DNAH6: variants seen among roughly 807,000 people sequenced by gnomAD.
DNAH6 encodes the protein axonemal beta dynein heavy chain 6.
DNAH6 carries 340 observed loss-of-function variants against 491.4 expected under a neutral mutation model. That is an observed-to-expected ratio of 0.69 (90% CI 0.63 to 0.76). The LOEUF is 0.76. Ranked by LOEUF, DNAH6 falls within the 30% of genes least tolerant of loss-of-function variation. The pLI is 0.00. For missense variants in DNAH6, 4,443 were observed against 4,972.2 expected, an observed-to-expected ratio of 0.89 and a Z score of 3.20; for synonymous variants, 1,603 against 1,686.1, an observed-to-expected ratio of 0.95 and a Z score of 1.21.
At chr2:84,699,825 T>C (rs1282399613) in intron 48 of DNAH6, 91 bp downstream of exon 48, 9 of 1,255,136 alleles carry the variant, frequency 7.2e-6, no homozygotes, top group Admixed American at 2.8e-5. Flanking sequence ...TCATGGGTAC[T>C]TGTATTAGCT....
intron 15 of DNAH6, among the ~76,000 whole-genome samples, chr2:84,588,112 G>A (rs1811537): frequency 0.86 from 131,109 of 152,206 alleles, 57,275 homozygotes; most frequent in East Asian, 0.99. Flanking sequence ...TGCATATCAT[G>A]CCAAGTCACA....
At chr2:84,506,198 T>C in the DNAH6 span, among the ~76,000 whole-genome samples, 1 of 152,190 alleles carries the variant, frequency 6.6e-6, no homozygotes, top group Non-Finnish European at 1.5e-5. Flanking sequence ...GTTCAAGTGT[T>C]CCTATTTCTC....
intron 33 of DNAH6, among the ~76,000 whole-genome samples, chr2:84,644,306 T>G (rs1352554283): frequency 1.3e-5 from 2 of 152,224 alleles, no homozygotes; most frequent in African/African-American, 4.8e-5. Context: ...TGATTAACTC[T>G]CCTGGCTTCT....
intron 62 of DNAH6, among the ~76,000 whole-genome samples, chr2:84,739,398 G>A (rs1020970474): frequency 2.0e-5 from 3 of 152,140 alleles, no homozygotes; most frequent in African/African-American, 4.8e-5. Flanking sequence ...GACCTCTCTA[G>A]CAAGATTGGG....
chr2:84,476,413 C>T, the DNAH6 span, among the ~76,000 whole-genome samples: 1 of 152,116 alleles, frequency 6.6e-6, no homozygotes, highest in African/African-American at 2.4e-5. Context: ...ATCTTCTGGC[C>T]CATTAAGGGG....
intron 62 of DNAH6, 92 bp downstream of exon 62, chr2:84,733,671 A>G (rs1345730929): frequency 8.3e-7 from 1 of 1,202,564 alleles, no homozygotes; most frequent in Non-Finnish European, 1.1e-6. Context: ...CTGTAATGTC[A>G]GCATTTTTCA....
At chr2:84,817,955 C>T (rs1404165739) in intron 76 of DNAH6, among the ~76,000 whole-genome samples, 1 of 152,196 alleles carries the variant, frequency 6.6e-6, no homozygotes, top group East Asian at 1.9e-4. Context: ...AAACACCTTC[C>T]ATTAAGCCCC....
intron 29 of DNAH6, among the ~76,000 whole-genome samples, chr2:84,626,652 G>A (rs114392030): frequency 0.036 from 5,423 of 152,160 alleles, 143 homozygotes; most frequent in Non-Finnish European, 0.053. Context: ...CTATTGCCCA[G>A]GATGCAGTGG....
intron 63 of DNAH6, among the ~76,000 whole-genome samples, chr2:84,753,731 T>G (rs1489799695): frequency 1.6e-5 from 2 of 121,890 alleles, no homozygotes; most frequent in African/African-American, 3.2e-5. Context: ...CATTCCAGCC[T>G]GGGCAACAGG....
chr2:84,463,234 G>A, the DNAH6 span, among the ~76,000 whole-genome samples: 1 of 152,206 alleles, frequency 6.6e-6, no homozygotes, highest in Non-Finnish European at 1.5e-5. Context: ...TGTGAAGGGA[G>A]GAGGAGTAAA....
chr2:84,624,639 G>A lies in DNAH6; in HGVS notation c.4353+19G>A, dbSNP rs11126970. On this transcript the variant is annotated intron_variant, in intron 28 of 76. Coordinates refer to ENST00000389394, the MANE Select transcript of DNAH6 (RefSeq NM_001370.2). Reference sequence around the variant, plus strand: ...ACTCACAGTAAGTTATTGATCACTTGGGTTAATATTGACACAAGAGTGCTT... The same window carrying A: ...ACTCACAGTAAGTTATTGATCACTTAGGTTAATATTGACACAAGAGTGCTT... The A allele has an allele frequency of 0.096, 148,524 of 1,546,998 alleles. 12,394 individuals are homozygous for A. The highest frequency in any genetic ancestry group is 0.44 in the African/African-American group (32,262 of 72,968).
In DNAH6 at chr2:84,606,989, A is replaced by G; in HGVS notation, c.3188A>G (p.Asp1063Gly). ...GTDDIQVLLD[D>G]STINVATLAS... is the part of the protein sequence containing the mutation. ...CTTCCTTTAAAGGTCCTTCTTGATG[A>G]TAGCACCATCAATGTTGCAACTCTT... The change falls in exon 21 of 77, where the codon GAT becomes GGT. Residue 1063 changes from aspartate (D) to glycine (G), a missense_variant. Transcript: ENST00000389394. The G allele has an allele frequency of 6.4e-7, 1 of 1,551,136 alleles. No homozygotes were observed. The highest frequency in any genetic ancestry group is 1.2e-5 in the South Asian group (1 of 83,990).
At position 84,685,369 on chromosome 2, in the gene DNAH6, G is replaced by T; in HGVS notation, c.6960G>T (p.Gln2320His). 2.0e-6 allele frequency: 3 copies of T among 1,522,494 alleles called. No homozygotes were observed. Among genetic ancestry groups the T allele is most frequent in the Non-Finnish European group, 2.7e-6 (3 of 1,129,400 alleles). The allele number at this position is 1,522,494 out of a possible 1,614,324, so 94.3% of individuals were successfully genotyped here. A position where few individuals can be genotyped will look rare whatever the true frequency, so the allele number is the denominator to read the frequency against. The change falls in exon 43 of 77, where the codon CAG (glutamine) becomes CAT (histidine). Residue 2320 changes from glutamine (Q) to histidine (H), a missense_variant. Coordinates refer to ENST00000389394, the MANE Select transcript of DNAH6 (RefSeq NM_001370.2). ...CDPGTIREEI[Q>H]IFRLFCHECQ... Reference sequence around the variant, plus strand: ...CAGGAACAATAAGAGAAGAAATTCAGATATTTAGACTCTTTTGCCATGAGT... The same window carrying T: ...CAGGAACAATAAGAGAAGAAATTCATATATTTAGACTCTTTTGCCATGAGT...
intron 60 of DNAH6, among the ~76,000 whole-genome samples, chr2:84,727,302 C>T (rs1219657144): frequency 6.6e-6 from 1 of 152,130 alleles, no homozygotes; most frequent in Non-Finnish European, 1.5e-5. Context: ...ACAAATATCA[C>T]ATATCACTTT....
chr2:84,462,837 C>T, the DNAH6 span, among the ~76,000 whole-genome samples: 2 of 152,174 alleles, frequency 1.3e-5, no homozygotes, highest in African/African-American at 4.8e-5. Context: ...GAGCAGTCCT[C>T]ATCAGCAGGC....
chr2:84,804,777 A>G (rs957041164), intron 70 of DNAH6, among the ~76,000 whole-genome samples: 1 of 152,156 alleles, frequency 6.6e-6, no homozygotes, highest in Admixed American at 6.5e-5. Context: ...ATTTTTAAGC[A>G]TACAGTTCAG....
chr2:84,701,219 C>T lies in DNAH6; in HGVS notation c.7941C>T (p.Ser2647=). 1 of 1,551,822 alleles carries T rather than the reference C, an allele frequency of 6.4e-7. No homozygotes were observed. The highest frequency in any genetic ancestry group is 1.2e-5 in the South Asian group (1 of 84,058). ...MCVNVHLSVS[S]MAERYYNELR... is the part of the protein sequence containing the mutation. ...TGAACGTTCACTTGAGTGTCTCCAGCATGGCAGAGCGCTATTACAATGAGC... is the reference window on the plus strand; with the variant it reads ...TGAACGTTCACTTGAGTGTCTCCAGTATGGCAGAGCGCTATTACAATGAGC... Residue 2647 remains serine (S), a synonymous_variant, in exon 49 of 77, where the codon AGC becomes AGT. Coordinates refer to ENST00000389394, the MANE Select transcript of DNAH6 (RefSeq NM_001370.2).
At chr2:84,602,779 A>T in intron 18 of DNAH6, among the ~76,000 whole-genome samples, 1 of 141,332 alleles carries the variant, frequency 7.1e-6, no homozygotes, top group Middle Eastern at 4.0e-3. Context: ...ACATTGTCCC[A>T]CAGGTCTTGG....
chr2:84,713,578 C>T (rs1183143136), intron 57 of DNAH6, among the ~76,000 whole-genome samples: 2 of 152,242 alleles, frequency 1.3e-5, no homozygotes, highest in Non-Finnish European at 2.9e-5. Context: ...AGCCACTCCT[C>T]CTAAACATAG....
Sources: allele counts gnomAD v4.1 joint callset (sites outside exome capture counted in the v4.1 genomes callset), GRCh38; gene constraint gnomAD v4.1.1; transcripts MANE v1.5; gene names NCBI Gene and HGNC (gene_info 2026-07-23, HGNC 2026-07-21).